SHB: variants seen among roughly 807,000 people sequenced by gnomAD.
The protein encoded by SHB is SH2 domain containing adaptor protein B.
A neutral mutation model predicts 52.3 loss-of-function variants in SHB; 20 were observed. The ratio of observed to expected loss-of-function variants is 0.38; its 90% CI spans 0.27 to 0.56. The LOEUF is 0.56. Ranked by LOEUF, SHB falls within the 20% of genes least tolerant of loss-of-function variation. The pLI is 0.71. For synonymous variants in SHB, 397 were observed against 316.5 expected, an observed-to-expected ratio of 1.25 and a Z score of -2.70; for missense variants, 825 against 723.3, an observed-to-expected ratio of 1.14 and a Z score of -1.61.
At chr9:37,942,238 C>T (rs149554845) in intron 5 of SHB, among the ~76,000 whole-genome samples, 1 of 152,340 alleles carries the variant, frequency 6.6e-6, no homozygotes, top group African/African-American at 2.4e-5. Flanking sequence ...CCCGGCTGCT[C>T]TAAGCCGGAT....
intron 5 of SHB, 113 bp from the exon 6 acceptor site, chr9:37,920,117 G>T: frequency 2.5e-6 from 2 of 812,528 alleles, no homozygotes; most frequent in Non-Finnish European, 4.0e-6. Flanking sequence ...GTGGCTGTGA[G>T]CTGCACCTCT....
At chr9:38,041,453 G>A (rs1257959359) in intron 1 of SHB, among the ~76,000 whole-genome samples, 1 of 152,198 alleles carries the variant, frequency 6.6e-6, no homozygotes, top group Non-Finnish European at 1.5e-5. Flanking sequence ...ACAGAGTTTT[G>A]CCAACTAGCA....
At chr9:38,031,004 C>T (rs957858860) in intron 1 of SHB, among the ~76,000 whole-genome samples, 3 of 152,076 alleles carry the variant, frequency 2.0e-5, no homozygotes, top group Admixed American at 1.3e-4. Flanking sequence ...AGAACCCAAC[C>T]GCCATCTGTC....
chr9:38,045,846 A>C (rs925620466), intron 1 of SHB, among the ~76,000 whole-genome samples: 5 of 152,206 alleles, frequency 3.3e-5, no homozygotes, highest in African/African-American at 1.2e-4. Context: ...AGCTTGAAAG[A>C]AACCAAGAGG....
At chr9:37,931,735 T>C (rs1346450476) in intron 5 of SHB, among the ~76,000 whole-genome samples, 1 of 152,254 alleles carries the variant, frequency 6.6e-6, no homozygotes, top group African/African-American at 2.4e-5. Context: ...CGATCCCTTT[T>C]CTGGGCATAT....
intron 5 of SHB, among the ~76,000 whole-genome samples, chr9:37,924,928 C>G (rs900812834): frequency 6.6e-6 from 1 of 152,254 alleles, no homozygotes; most frequent in Non-Finnish European, 1.5e-5. Flanking sequence ...GCCTCATCTT[C>G]CTCTGCTCAG....
intron 1 of SHB, among the ~76,000 whole-genome samples, chr9:38,027,175 G>A (rs991833351): frequency 2.0e-5 from 3 of 152,198 alleles, no homozygotes; most frequent in Non-Finnish European, 2.9e-5. Context: ...CCAGCAAGGT[G>A]TGCTGGGCTG....
intron 1 of SHB, among the ~76,000 whole-genome samples, chr9:38,040,598 G>A (rs1388029530): frequency 6.6e-6 from 1 of 152,192 alleles, no homozygotes; most frequent in African/African-American, 2.4e-5. Flanking sequence ...TAGTGCTGGA[G>A]TGGCTGGGAG....
At chr9:38,043,244 G>A (rs938853595) in intron 1 of SHB, among the ~76,000 whole-genome samples, 12 of 152,162 alleles carry the variant, frequency 7.9e-5, no homozygotes, top group Non-Finnish European at 1.8e-4. Context: ...GCTTCTCTCT[G>A]CCTATGCCAC....
chr9:37,929,116 T>C lies in SHB; in HGVS notation c.1347-9112A>G, dbSNP rs538757155. On this transcript the variant is annotated intron_variant, in intron 5 of 5. Transcript: ENST00000377707. Reference sequence around the variant, plus strand: ...GCTCAGGGCCACCCAGACCTGTATCTGAGTCCCTGCCCTGAACTGTGCCTG... The same window carrying C: ...GCTCAGGGCCACCCAGACCTGTATCCGAGTCCCTGCCCTGAACTGTGCCTG... Among the ~76,000 whole-genome samples, 19 of 152,380 alleles carry C rather than the reference T, an allele frequency of 1.2e-4. No individual in the cohort carries two copies. In the East Asian group the frequency reaches 3.5e-3, roughly 28 times the overall value.
chr9:38,004,467 G>T (rs1340762845), intron 2 of SHB, among the ~76,000 whole-genome samples: 2 of 152,212 alleles, frequency 1.3e-5, no homozygotes, highest in Non-Finnish European at 2.9e-5. Context: ...CCCTCCCAGG[G>T]CTGTGCTGGC....
intron 2 of SHB, among the ~76,000 whole-genome samples, chr9:37,988,184 C>A (rs938888998): frequency 1.3e-5 from 2 of 152,146 alleles, no homozygotes; most frequent in Non-Finnish European, 2.9e-5. Flanking sequence ...AGGCACTAAT[C>A]CCCCCAGGGA....
intron 3 of SHB, among the ~76,000 whole-genome samples, chr9:37,960,876 A>G (rs1832686122): frequency 6.6e-6 from 1 of 152,138 alleles, no homozygotes; most frequent in Non-Finnish European, 1.5e-5. Context: ...TCTCAAAGCC[A>G]AATAGCAGGG....
chr9:37,974,656 C>T lies in SHB; in HGVS notation c.1020G>A (p.Trp340Ter). Reference protein sequence around the residue: ...DRPADEYDQPWEWNRVTIPAL... With the variant: ...DRPADEYDQP ...CTGGGATGGTGACCCGGTTCCACTC[C>T]CAAGGCTGGTCGTACTCATCGGCGG... The change falls in exon 3 of 6, where the codon TGG becomes TGA. Residue 340 changes from tryptophan (W) to a stop codon, truncating the protein, a stop_gained. Transcript: ENST00000377707. LOFTEE classifies it high-confidence loss of function. 1 of 1,613,748 alleles carries T rather than the reference C, an allele frequency of 6.2e-7. No homozygotes were observed. The highest frequency in any genetic ancestry group is 8.5e-7 in the Non-Finnish European group (1 of 1,179,956).
At chr9:38,051,636 T>C (rs182299669) in intron 1 of SHB, among the ~76,000 whole-genome samples, 45 of 152,200 alleles carry the variant, frequency 3.0e-4, no homozygotes, top group African/African-American at 1.1e-3. Flanking sequence ...ACTCCCACCA[T>C]CTCGTCACTT....
intron 1 of SHB, among the ~76,000 whole-genome samples, chr9:38,026,031 C>T (rs1821337724): frequency 6.6e-6 from 1 of 152,268 alleles, no homozygotes; most frequent in South Asian, 2.1e-4. Context: ...CTGATAGGCA[C>T]AGCCTGTTGG....
intron 2 of SHB, among the ~76,000 whole-genome samples, chr9:38,000,384 TCAC>T (rs1820996265): frequency 6.6e-6 from 1 of 152,222 alleles, no homozygotes; most frequent in Non-Finnish European, 1.5e-5. Context: ...ATCCGCATTT[TCAC>T]CACTGCCCAC....
intron 2 of SHB, among the ~76,000 whole-genome samples, chr9:37,986,722 G>A (rs569290149): frequency 6.6e-6 from 1 of 152,340 alleles, no homozygotes; most frequent in East Asian, 1.9e-4. Flanking sequence ...ATGATGAGCA[G>A]GGGCTGGGCT....
chr9:37,965,898 T>C (rs957165117), intron 3 of SHB, among the ~76,000 whole-genome samples: 27 of 152,212 alleles, frequency 1.8e-4, no homozygotes, highest in Admixed American at 6.5e-5. Flanking sequence ...CTCATAGATG[T>C]ATCACTGTGG....
Sources: gnomAD v4.1 joint callset for allele counts (sites outside exome capture counted in the v4.1 genomes callset) on GRCh38, gnomAD v4.1.1 for gene constraint, MANE v1.5 for transcripts, NCBI Gene and HGNC (gene_info 2026-07-23, HGNC 2026-07-21) for gene names.